The following AMMECR1 variants were observed in gnomAD, a reference collection of about 807,000 sequenced individuals.
The protein encoded by AMMECR1 is nuclear protein AMMECR1.
In AMMECR1, 3 loss-of-function variants were observed where a neutral mutation model predicts 22.5. The observed-to-expected ratio is 0.13, with a 90% CI of 0.06 to 0.35. AMMECR1 has a LOEUF of 0.35. Among genes scored for constraint, AMMECR1 ranks in the 10% least tolerant of loss-of-function variants. AMMECR1 has a pLI of 1.00. For synonymous variants in AMMECR1, 130 were observed against 116.7 expected, an observed-to-expected ratio of 1.11 and a Z score of -0.74; for missense variants, 235 against 278.7, an observed-to-expected ratio of 0.84 and a Z score of 1.12.
intron 2 of AMMECR1, among the ~76,000 whole-genome samples, chrX:110,378,055 C>T (rs1192273587): frequency 9.3e-6 from 1 of 107,416 alleles, no homozygotes; most frequent in South Asian, 4.0e-4. Context: ...TCTCAAAAAC[C>T]TCTCATCTTT....
At chrX:110,200,873 G>T in intron 5 of AMMECR1, 81 bp downstream of exon 5, 2 of 676,604 alleles carry the variant, frequency 3.0e-6, no homozygotes, top group Non-Finnish European at 2.3e-6. Flanking sequence ...TGTAGTTAGA[G>T]AGACCAAAGA....
chrX:110,406,259 C>A (rs2068600779), intron 2 of AMMECR1, among the ~76,000 whole-genome samples: 1 of 107,796 alleles, frequency 9.3e-6, no homozygotes, highest in Non-Finnish European at 1.9e-5. Flanking sequence ...CCTCCCCTAG[C>A]CCCCCACGCC....
At chrX:110,284,368 A>G (rs899613169) in intron 1 of AMMECR1, among the ~76,000 whole-genome samples, 3 of 111,808 alleles carry the variant, frequency 2.7e-5, no homozygotes, top group Admixed American at 9.5e-5. Flanking sequence ...CACAACTGGA[A>G]GGGAAGTTTG....
chrX:110,329,958 C>T (rs1032831671), intron 2 of AMMECR1, among the ~76,000 whole-genome samples: 2 of 111,531 alleles, frequency 1.8e-5, no homozygotes, highest in Non-Finnish European at 3.8e-5. Context: ...CACCATAGTA[C>T]CAGTATTGTA....
chrX:110,201,090 T>C (rs1168755849), intron 4 of AMMECR1, 40 bp from the exon 5 acceptor site: 1 of 885,543 alleles, frequency 1.1e-6, no homozygotes, highest in African/African-American at 2.0e-5. Context: ...GTCAAGCACA[T>C]GTAACAAACA....
At chrX:110,300,818 A>G (rs1221378288) in intron 1 of AMMECR1, among the ~76,000 whole-genome samples, 1 of 112,014 alleles carries the variant, frequency 8.9e-6, no homozygotes, top group Non-Finnish European at 1.9e-5. Flanking sequence ...ACACCACCAC[A>G]TAGCTATAGT....
chrX:110,259,670 C>A (rs2067729158), intron 2 of AMMECR1, among the ~76,000 whole-genome samples: 1 of 107,473 alleles, frequency 9.3e-6, no homozygotes, highest in Admixed American at 1.0e-4. Flanking sequence ...TGGCTCACTG[C>A]AAGCTCTGCC....
At chrX:110,290,089 C>T (rs956015746) in intron 1 of AMMECR1, among the ~76,000 whole-genome samples, 1 of 111,787 alleles carries the variant, frequency 8.9e-6, no homozygotes, top group Non-Finnish European at 1.9e-5. Context: ...AGTGAACTCA[C>T]AGTACTTTGT....
intron 2 of AMMECR1, among the ~76,000 whole-genome samples, chrX:110,262,414 A>G (rs1480247469): frequency 3.6e-5 from 4 of 112,292 alleles, no homozygotes; most frequent in Non-Finnish European, 7.5e-5. Flanking sequence ...GAGAAAAAAG[A>G]TGAAAAGTAA....
At chrX:110,264,219 A>G (rs1429750761) in intron 2 of AMMECR1, among the ~76,000 whole-genome samples, 1 of 111,261 alleles carries the variant, frequency 9.0e-6, no homozygotes, top group Non-Finnish European at 1.9e-5. Context: ...TTTTCAAGTT[A>G]TACAAAATAA....
chrX:110,301,100 T>C (rs770351152), intron 1 of AMMECR1, among the ~76,000 whole-genome samples: 17 of 112,062 alleles, frequency 1.5e-4, no homozygotes, highest in Non-Finnish European at 2.4e-4. Context: ...AGTGGAAAGT[T>C]TGGAAATCAG....
At chrX:110,255,471 T>G (rs1377372947) in intron 2 of AMMECR1, among the ~76,000 whole-genome samples, 5 of 111,842 alleles carry the variant, frequency 4.5e-5, no homozygotes, top group Non-Finnish European at 9.4e-5. Flanking sequence ...AATGGTCATC[T>G]TAGAAGAATG....
chrX:110,230,613 C>T (rs1452419841), intron 2 of AMMECR1, among the ~76,000 whole-genome samples: 1 of 111,874 alleles, frequency 8.9e-6, no homozygotes, highest in Non-Finnish European at 1.9e-5. Flanking sequence ...AAAATGAGAG[C>T]ACCTCTTCTC....
chrX:110,337,552 A>C (rs192296917), intron 2 of AMMECR1, among the ~76,000 whole-genome samples: 2 of 111,900 alleles, frequency 1.8e-5, no homozygotes, highest in East Asian at 5.6e-4. Context: ...GGCTACTATA[A>C]ATAAACAGAA....
chrX:110,353,740 GGA>G (rs1465998535), intron 2 of AMMECR1, among the ~76,000 whole-genome samples: 2 of 111,526 alleles, frequency 1.8e-5, no homozygotes, highest in African/African-American at 6.5e-5. Context: ...GATCTATCAT[GGA>G]GAGTGTTCCA....
intron 2 of AMMECR1, among the ~76,000 whole-genome samples, chrX:110,237,301 C>CA (rs1475482056): frequency 1.6e-4 from 17 of 109,135 alleles, no homozygotes; most frequent in Non-Finnish European, 3.1e-4. Context: ...TTAAATCCTC[C>CA]AAAAAAATCC....
upstream of AMMECR1, among the ~76,000 whole-genome samples, chrX:110,322,573 A>G (rs2068083091): frequency 2.7e-5 from 3 of 111,832 alleles, no homozygotes; most frequent in Non-Finnish European, 5.6e-5. Context: ...AGTTGGTTGG[A>G]GGCACAGTTT....
intron 2 of AMMECR1, among the ~76,000 whole-genome samples, chrX:110,366,408 C>T (rs1003606229): frequency 4.5e-5 from 5 of 111,635 alleles, no homozygotes; most frequent in Admixed American, 9.5e-5. Flanking sequence ...TGACCTCACT[C>T]ACAGAGATGG....
At chrX:110,414,259 C>G (rs763269983) in intron 2 of AMMECR1, among the ~76,000 whole-genome samples, 10 of 112,462 alleles carry the variant, frequency 8.9e-5, no homozygotes, top group Admixed American at 2.8e-4. Flanking sequence ...GCCCTCAACT[C>G]AGCTAAACAA....
Sources: allele counts gnomAD v4.1 joint callset (sites outside exome capture counted in the v4.1 genomes callset), GRCh38; gene constraint gnomAD v4.1.1; transcripts MANE v1.5; gene names NCBI Gene and HGNC (gene_info 2026-07-23, HGNC 2026-07-21).